Variants in ANKRD12 observed in about 807,000 individuals in gnomAD.
ANKRD12 encodes the protein ankyrin repeat domain 12.
In ANKRD12, 85 loss-of-function variants were observed where a neutral mutation model predicts 183.4. That is an observed-to-expected ratio of 0.46 (90% CI 0.39 to 0.56). ANKRD12 has a LOEUF of 0.56. ANKRD12 is among the 20% of genes least tolerant of loss of function. ANKRD12 has a pLI of 0.00. For synonymous variants in ANKRD12, 914 were observed against 800.2 expected, an observed-to-expected ratio of 1.14 and a Z score of -2.40; for missense variants, 2,405 against 2,357.1, an observed-to-expected ratio of 1.02 and a Z score of -0.42.
At chr18:9,267,776 C>T (rs942688857) in intron 10 of ANKRD12, among the ~76,000 whole-genome samples, 1 of 152,112 alleles carries the variant, frequency 6.6e-6, no homozygotes, top group African/African-American at 2.4e-5. Flanking sequence ...AAGATCAGAG[C>T]AGAACTGAAG....
At position 9,283,184 on chromosome 18, in the gene ANKRD12, G is replaced by A. The variant is rs2040161698; in HGVS notation, c.*2058G>A. The A allele has an allele frequency of 6.6e-6, 1 of 152,100 alleles. No homozygotes were observed. The highest frequency in any genetic ancestry group is 6.6e-5 in the Admixed American group (1 of 15,264). The allele number at this position is 152,100 out of a possible 1,614,324, so 9.4% of individuals were successfully genotyped here. ...TTGAAGTTATAGAAAATCAGAGAGG[G>A]GTAAGTTTATAGGGCATTTTGTTCT... On this transcript the variant is annotated 3_prime_UTR_variant, in exon 13 of 13. Transcript: ENST00000262126.
chr18:9,193,135 ATTTTTTTTT>A (rs397751904), intron 2 of ANKRD12, among the ~76,000 whole-genome samples: 1 of 128,468 alleles, frequency 7.8e-6, no homozygotes, highest in Non-Finnish European at 1.7e-5. Context: ...TGAGTACAGC[ATTTTTTTTT>A]TTTTTTTTTT....
At chr18:9,160,035 C>T (rs566553281) in intron 1 of ANKRD12, among the ~76,000 whole-genome samples, 48 of 152,000 alleles carry the variant, frequency 3.2e-4, no homozygotes, top group African/African-American at 1.1e-3. Context: ...TTTGGGAGTC[C>T]GAGGTGGGCA....
chr18:9,142,353 T>A (rs2078348352), intron 1 of ANKRD12, among the ~76,000 whole-genome samples: 1 of 152,242 alleles, frequency 6.6e-6, no homozygotes, highest in Non-Finnish European at 1.5e-5. Flanking sequence ...GCTAATCTGA[T>A]GATACTGAGC....
chr18:9,168,311 T>C (rs2032306311), intron 1 of ANKRD12, among the ~76,000 whole-genome samples: 1 of 151,410 alleles, frequency 6.6e-6, no homozygotes, highest in Admixed American at 6.5e-5. Flanking sequence ...CTCCTCCTTG[T>C]ACCTCTGGTA....
At chr18:9,164,336 A>G (rs2031798412) in intron 1 of ANKRD12, among the ~76,000 whole-genome samples, 1 of 152,090 alleles carries the variant, frequency 6.6e-6, no homozygotes, top group Non-Finnish European at 1.5e-5. Context: ...TGATTTGTGT[A>G]TGTTGAACCA....
chr18:9,170,527 T>C (rs8094979), intron 1 of ANKRD12, among the ~76,000 whole-genome samples: 11,252 of 152,300 alleles, frequency 0.074, 431 homozygotes, highest in African/African-American at 0.084. Context: ...GCATTCGTCA[T>C]GTAGCTCTGG....
At chr18:9,244,332 T>A (rs2037829467) in intron 8 of ANKRD12, among the ~76,000 whole-genome samples, 1 of 152,106 alleles carries the variant, frequency 6.6e-6, no homozygotes, top group South Asian at 2.1e-4. Context: ...ACACAAAATA[T>A]AAAACTAAAC....
At chr18:9,146,811 C>G (rs1186864650) in intron 1 of ANKRD12, among the ~76,000 whole-genome samples, 3 of 152,096 alleles carry the variant, frequency 2.0e-5, no homozygotes, top group Middle Eastern at 3.2e-3. Flanking sequence ...CTGGAATATA[C>G]AGTTGTTCTG....
rs2032182948 is a variant in ANKRD12 at position 9,167,313 on chromosome 18, G to A, written c.-51-15069G>A. The stretch of plus-strand genomic sequence containing the variant: ...ATCTATAAATTACCTTGGGCAGTAT[G>A]GCCGTTGTCATGATATTGATTCTTC... On this transcript the variant is annotated intron_variant, in intron 1 of 12. Coordinates refer to ENST00000262126, the MANE Select transcript of ANKRD12 (RefSeq NM_015208.5). Among the ~76,000 whole-genome samples the A allele has an allele frequency of 3.3e-5, 5 of 152,170 alleles. No homozygotes were observed. The South Asian group carries it at 8.3e-4, about 25-fold the overall frequency.
chr18:9,139,214 C>T (rs1254799446), intron 1 of ANKRD12, among the ~76,000 whole-genome samples: 2 of 151,528 alleles, frequency 1.3e-5, no homozygotes, highest in Non-Finnish European at 3.0e-5. Context: ...TGCAGACTTA[C>T]ACTGGTTTGT....
At chr18:9,179,096 T>C (rs558649766) in intron 1 of ANKRD12, among the ~76,000 whole-genome samples, 8 of 152,336 alleles carry the variant, frequency 5.3e-5, no homozygotes, top group African/African-American at 1.9e-4. Flanking sequence ...TGCTAATATG[T>C]AGAAATAATT....
chr18:9,165,148 G>A (rs928458287), intron 1 of ANKRD12, among the ~76,000 whole-genome samples: 2 of 152,016 alleles, frequency 1.3e-5, no homozygotes, highest in Admixed American at 6.6e-5. Flanking sequence ...TTACCATTAC[G>A]TGATGTCGTT....
intron 1 of ANKRD12, among the ~76,000 whole-genome samples, chr18:9,175,252 A>G (rs1349492619): frequency 2.0e-5 from 3 of 152,214 alleles, no homozygotes; most frequent in Admixed American, 1.3e-4. Context: ...ATTCACTTGT[A>G]TTATACATGT....
intron 6 of ANKRD12, among the ~76,000 whole-genome samples, 183 bp downstream of exon 6, chr18:9,211,967 A>G (rs535017407): frequency 1.3e-5 from 2 of 152,202 alleles, no homozygotes; most frequent in East Asian, 3.9e-4. Context: ...TTCCATGTCA[A>G]TAATTACTCA....
Position 9,216,918 on chromosome 18 carries a change from A to C in ANKRD12, c.795+18A>C. ...ACAGAGATGTAAGTATGATAGAAAA[A>C]AATCAATAATACACATTTGCAAAAT... On this transcript the variant is annotated intron_variant, in intron 7 of 12. Transcript: ENST00000262126. The C allele has an allele frequency of 6.2e-7, 1 of 1,606,588 alleles. No individual in the cohort carries two copies. The highest frequency in any genetic ancestry group is 1.1e-5 in the South Asian group (1 of 89,242).
At chr18:9,275,077 G>C (rs888403080) in intron 10 of ANKRD12, among the ~76,000 whole-genome samples, 2 of 152,068 alleles carry the variant, frequency 1.3e-5, no homozygotes, top group Non-Finnish European at 2.9e-5. Context: ...TATAGTACTA[G>C]CTACTCAGAA....
Position 9,257,121 on chromosome 18 carries a change from A to C in ANKRD12, c.3854A>C (p.His1285Pro). The change falls in exon 9 of 13, where the codon CAT (histidine) becomes CCT (proline). Residue 1285 changes from histidine (H) to proline (P), a missense_variant. By Grantham distance (77) the His-to-Pro change is moderately conservative. Transcript: ENST00000262126. ...TATGCAAACAGACTTTCAACATCCC[A>C]TCTTAGGTCATCTTCTGTAGAAGAT... is the stretch of plus-strand genomic sequence containing the variant. ...PPYANRLSTS[H>P]LRSSSVEDVK... 1 of 1,614,118 alleles carries C rather than the reference A, an allele frequency of 6.2e-7. No homozygotes were observed. Among genetic ancestry groups the C allele is most frequent in the Non-Finnish European group, 8.5e-7 (1 of 1,179,990 alleles).
chr18:9,154,402 A>G (rs1177937869), intron 1 of ANKRD12, among the ~76,000 whole-genome samples: 1 of 152,104 alleles, frequency 6.6e-6, no homozygotes, highest in Non-Finnish European at 1.5e-5. Context: ...ACAGAACGAG[A>G]TCCTGTCTCA....
Sources: allele counts gnomAD v4.1 joint callset (sites outside exome capture counted in the v4.1 genomes callset), GRCh38; gene constraint gnomAD v4.1.1; transcripts MANE v1.5; gene names NCBI Gene and HGNC (gene_info 2026-07-23, HGNC 2026-07-21).